The following ANKRD28 variants were observed in gnomAD, a reference collection of about 807,000 sequenced individuals.
ANKRD28 encodes the protein serine/threonine-protein phosphatase 6 regulatory ankyrin repeat subunit A.
In ANKRD28, 44 loss-of-function variants were observed where a neutral mutation model predicts 126.5. The ratio of observed to expected loss-of-function variants is 0.35; its 90% CI spans 0.27 to 0.45. ANKRD28 has a LOEUF of 0.45. ANKRD28 is among the 20% of genes least tolerant of loss of function. The pLI is 1.00. For missense variants in ANKRD28, 1,110 were observed against 1,316.6 expected (o/e 0.84, Z 2.43); for synonymous variants, 442 against 468.5 (o/e 0.94, Z 0.73).
At chr3:15,690,766 G>C (rs774211956) in intron 17 of ANKRD28, among the ~76,000 whole-genome samples, 1 of 151,932 alleles carries the variant, frequency 6.6e-6, no homozygotes, top group Non-Finnish European at 1.5e-5. Flanking sequence ...TGAGGGTCTC[G>C]CTATGCTATC....
In ANKRD28 at chr3:15,833,660, C is replaced by G. The variant is rs1441235319; in HGVS notation, c.27+25717G>C. Among the ~76,000 whole-genome samples, 1 of 151,700 alleles carries G rather than the reference C, an allele frequency of 6.6e-6. No individual in the cohort carries two copies. ...TGTTTTTTTGACCTTTTAATAGTAA[C>G]TAACCATTCTGACTCATATAAGATG... On this transcript the variant is annotated intron_variant, in intron 1 of 27. Transcript: ENST00000399451. This position sits in a 1 kb window ranked among gnomAD's most constrained non-coding sequence, Gnocchi z 4.4.
rs1462292913 is a variant in ANKRD28 at position 15,817,677 on chromosome 3, T to TTTAAATAAATTTAA, written c.28-22372_28-22371insTTAAATTTATTTAA. On this transcript the variant is annotated intron_variant, in intron 1 of 27. Transcript: ENST00000399451. This position sits in a 1 kb window ranked among gnomAD's most constrained non-coding sequence, Gnocchi z 4.5. ...ACTGAGATTTATATATTTAAATAAA[T>TTTAAATAAATTTAA]ATAAAATTACCAGGAAACCACTAAT... is the stretch of plus-strand genomic sequence containing the variant. Among the ~76,000 whole-genome samples, 1 of 152,110 alleles carries TTTAAATAAATTTAA rather than the reference T, an allele frequency of 6.6e-6. No individual in the cohort carries two copies. The highest frequency in any genetic ancestry group is 1.5e-5 in the Non-Finnish European group (1 of 68,030).
intron 2 of ANKRD28, among the ~76,000 whole-genome samples, chr3:15,784,449 G>T (rs1478082557): frequency 6.6e-6 from 1 of 151,818 alleles, no homozygotes; most frequent in Non-Finnish European, 1.5e-5. Flanking sequence ...TTATTTGACA[G>T]CTAGATGTCC....
rs540648972 is a variant in ANKRD28 at position 15,821,395 on chromosome 3, T to G, written c.28-26089A>C. Among the ~76,000 whole-genome samples the G allele has an allele frequency of 2.6e-5, 4 of 152,334 alleles. No homozygotes were observed. In the South Asian group the frequency reaches 8.3e-4, roughly 32 times the overall value. On this transcript the variant is annotated intron_variant, in intron 1 of 27. Coordinates refer to the ANKRD28 transcript ENST00000399451. ...GAAAGGCTTAACCTTTTAGAAAATG[T>G]AAAGATGTACAATCCTTACTTTTAA...
At chr3:15,842,209 A>T (rs187976556) in intron 1 of ANKRD28, among the ~76,000 whole-genome samples, 1 of 152,216 alleles carries the variant, frequency 6.6e-6, no homozygotes, top group East Asian at 1.9e-4. Flanking sequence ...GTCCATACAC[A>T]CATACTGTTC....
chr3:15,677,747 T>C (rs2067094210), intron 24 of ANKRD28, 185 bp from the exon 25 acceptor site: 3 of 461,658 alleles, frequency 6.5e-6, no homozygotes, highest in Non-Finnish European at 1.2e-5. Flanking sequence ...AATTATATTG[T>C]TGTATAAGTC....
chr3:15,847,550 C>A (rs1455111351), intron 1 of ANKRD28, among the ~76,000 whole-genome samples: 1 of 152,164 alleles, frequency 6.6e-6, no homozygotes, highest in Non-Finnish European at 1.5e-5. Flanking sequence ...ATATCCAAAA[C>A]TGAATTCACC....
At chr3:15,823,203 G>A (rs2060982179) in intron 1 of ANKRD28, among the ~76,000 whole-genome samples, 4 of 152,140 alleles carry the variant, frequency 2.6e-5, no homozygotes. Flanking sequence ...GCACAACCTA[G>A]ATCTCTTGCA....
rs941829807 is a variant in ANKRD28, at chr3:15,712,229, T to C, written c.1191-7A>G. The C allele has an allele frequency of 6.4e-7, 1 of 1,568,216 alleles. No individual in the cohort carries two copies. The highest frequency in any genetic ancestry group is 8.7e-7 in the Non-Finnish European group (1 of 1,154,660). On this transcript the variant is annotated splice_polypyrimidine_tract_variant and splice_region_variant and intron_variant, in intron 10 of 27. Coordinates refer to ENST00000683139, the MANE Select transcript of ANKRD28 (RefSeq NM_001349278.2). ...CATTCCATGTATGCCACGCCTAAAG[T>C]TAATAGAACAGGACAGTATCTTCAT...
intron 2 of ANKRD28, among the ~76,000 whole-genome samples, chr3:15,767,751 G>A (rs963357441): frequency 2.2e-4 from 31 of 138,460 alleles, no homozygotes; most frequent in African/African-American, 8.2e-4. Flanking sequence ...AGCCGCACGT[G>A]GTGGCGGGTG....
In ANKRD28 at chr3:15,843,304, C is replaced by T. The variant is rs557896054; in HGVS notation, c.27+16073G>A. ...TGCTAAGCCATTCATGAGAAATCTG[C>T]CCCCATGATCCAATCACCTCTCACC... is the stretch of plus-strand genomic sequence containing the variant. On this transcript the variant is annotated intron_variant, in intron 1 of 27. Transcript: ENST00000399451. This position sits in a 1 kb window ranked among gnomAD's most constrained non-coding sequence, Gnocchi z 5.2. Among the ~76,000 whole-genome samples, 296 of 152,182 alleles carry T rather than the reference C, an allele frequency of 1.9e-3. 1 individual carries two copies. The highest frequency in any genetic ancestry group is 6.5e-3 in the African/African-American group (271 of 41,500).
intron 5 of ANKRD28, among the ~76,000 whole-genome samples, 180 bp from the exon 6 acceptor site, chr3:15,735,677 A>G (rs1356823664): frequency 6.6e-6 from 1 of 152,224 alleles, no homozygotes; most frequent in African/African-American, 2.4e-5. Flanking sequence ...CATGAAAAAA[A>G]GGTTAACTGT....
At chr3:15,713,958 T>G (rs772333984) in intron 9 of ANKRD28, among the ~76,000 whole-genome samples, 7 of 152,222 alleles carry the variant, frequency 4.6e-5, no homozygotes, top group Non-Finnish European at 8.8e-5. Context: ...TTCAGAGCTT[T>G]AATGTGCATA....
At chr3:15,820,683 T>C (rs1237981219) in intron 1 of ANKRD28, among the ~76,000 whole-genome samples, 2 of 152,148 alleles carry the variant, frequency 1.3e-5, no homozygotes, top group African/African-American at 4.8e-5. Flanking sequence ...ATGGTAAAAT[T>C]GGTAACTGGT....
intron 2 of ANKRD28, among the ~76,000 whole-genome samples, chr3:15,767,393 T>C (rs908513415): frequency 6.6e-6 from 1 of 152,160 alleles, no homozygotes; most frequent in Non-Finnish European, 1.5e-5. Flanking sequence ...AGTTAGTTGT[T>C]TTCCACTATG....
intron 4 of ANKRD28, among the ~76,000 whole-genome samples, chr3:15,745,168 C>G (rs541106380): frequency 2.0e-5 from 3 of 152,280 alleles, no homozygotes; most frequent in African/African-American, 7.2e-5. Context: ...CAAAGATTTT[C>G]TCCTACTCTG....
At chr3:15,800,200 T>A (rs192215699), upstream of ANKRD28, among the ~76,000 whole-genome samples, 1 of 152,014 alleles carries the variant, frequency 6.6e-6, no homozygotes, top group East Asian at 1.9e-4. Flanking sequence ...GACACTTATA[T>A]AAGAAAAAAA....
intron 2 of ANKRD28, among the ~76,000 whole-genome samples, chr3:15,783,660 A>T (rs2059638186): frequency 6.6e-6 from 1 of 152,058 alleles, no homozygotes; most frequent in Admixed American, 6.6e-5. Flanking sequence ...TATCATTACA[A>T]TGGAATACTA....
chr3:15,709,562 T>C, intron 13 of ANKRD28, 106 bp downstream of exon 13: 1 of 715,460 alleles, frequency 1.4e-6, no homozygotes, highest in Non-Finnish European at 2.3e-6. Context: ...TCATGATCAG[T>C]GTACAAGATG....
Sources: allele counts gnomAD v4.1 joint callset (sites outside exome capture counted in the v4.1 genomes callset), GRCh38; gene constraint gnomAD v4.1.1; non-coding constraint Gnocchi (gnomAD v3.1); transcripts MANE v1.5; gene names NCBI Gene and HGNC (gene_info 2026-07-23, HGNC 2026-07-21).